Variants in KCNN2 observed in about 807,000 individuals in gnomAD.
KCNN2 encodes small conductance calcium-activated potassium channel protein 2.
Under a neutral mutation model 55.5 loss-of-function variants are expected in KCNN2, and 24 were observed. The observed-to-expected ratio is 0.43, with a 90% CI of 0.31 to 0.61. The LOEUF (loss-of-function observed/expected upper bound fraction) is 0.61. Among genes scored for constraint, KCNN2 ranks in the 20% least tolerant of loss-of-function variants. KCNN2 has a pLI of 0.08. For synonymous variants in KCNN2, 431 were observed against 336.1 expected (o/e 1.28, Z -3.09); for missense variants, 754 against 853.6 (o/e 0.88, Z 1.45).
At chr5:114,277,893 C>T (rs1039842714) in intron 2 of KCNN2, among the ~76,000 whole-genome samples, 4 of 152,074 alleles carry the variant, frequency 2.6e-5, no homozygotes, top group East Asian at 1.9e-4. Flanking sequence ...GTCGAGGAGT[C>T]GTTTTCCTTT....
intron 2 of KCNN2, among the ~76,000 whole-genome samples, chr5:114,279,729 T>C (rs1252353333): frequency 6.6e-6 from 1 of 152,122 alleles, no homozygotes; most frequent in East Asian, 1.9e-4. Flanking sequence ...TTCCAAGTCT[T>C]TGCTATTGTG....
chr5:114,376,690 T>C (rs114344065), intron 2 of KCNN2, among the ~76,000 whole-genome samples: 12 of 152,384 alleles, frequency 7.9e-5, no homozygotes, highest in Non-Finnish European at 1.5e-4. Flanking sequence ...AAGCTATTGA[T>C]GATTTTTAAT....
At chr5:114,266,007 T>G (rs1324976038) in intron 2 of KCNN2, among the ~76,000 whole-genome samples, 1 of 152,200 alleles carries the variant, frequency 6.6e-6, no homozygotes, top group African/African-American at 2.4e-5. Flanking sequence ...ACAAGCCACA[T>G]GCATAATGTT....
In KCNN2 at chr5:114,496,275, G is replaced by A. The variant is rs1010648906; in HGVS notation, c.*93G>A. 17 of 1,331,654 alleles carry A rather than the reference G, an allele frequency of 1.3e-5. No homozygotes were observed. Among genetic ancestry groups the A allele is most frequent in the South Asian group, 7.2e-5 (5 of 69,800 alleles). 82.5% of individuals were successfully genotyped at this position (1,331,654 alleles called of 1,614,324 possible). A position where few individuals can be genotyped will look rare whatever the true frequency, so the allele number is the denominator to read the frequency against. Reference sequence around the variant, plus strand: ...TAAAGCCCCTATGGTTCTAATCAGCGTTATCCGGGTTCTGATGTCAGAATC... The same window carrying A: ...TAAAGCCCCTATGGTTCTAATCAGCATTATCCGGGTTCTGATGTCAGAATC... On this transcript the variant is annotated 3_prime_UTR_variant, in exon 8 of 8. Transcript: ENST00000673685.
At chr5:114,115,564 C>A (rs1374123011) in intron 1 of KCNN2, among the ~76,000 whole-genome samples, 1 of 152,068 alleles carries the variant, frequency 6.6e-6, no homozygotes, top group African/African-American at 2.4e-5. Flanking sequence ...ATGTCAGATT[C>A]TCTTTCTAGC....
intron 1 of KCNN2, among the ~76,000 whole-genome samples, chr5:114,141,406 T>A (rs1752277551): frequency 6.6e-6 from 1 of 152,090 alleles, no homozygotes; most frequent in Non-Finnish European, 1.5e-5. Flanking sequence ...CTTGTGATAG[T>A]TTGCTGAGAA....
intron 5 of KCNN2, among the ~76,000 whole-genome samples, chr5:114,479,765 C>T (rs951867061): frequency 7.2e-5 from 11 of 152,082 alleles, no homozygotes; most frequent in African/African-American, 1.9e-4. Flanking sequence ...ATTGAACAGC[C>T]GGCTCCTGAA....
chr5:114,312,971 G>A (rs1756435003), intron 2 of KCNN2, among the ~76,000 whole-genome samples: 1 of 152,054 alleles, frequency 6.6e-6, no homozygotes, highest in African/African-American at 2.4e-5. Context: ...CTCATTTGCT[G>A]TATTGCTGTT....
intron 1 of KCNN2, among the ~76,000 whole-genome samples, chr5:114,129,820 A>T (rs1372081377): frequency 6.6e-6 from 1 of 152,232 alleles, no homozygotes; most frequent in East Asian, 1.9e-4. Context: ...TCCAAAATGG[A>T]TCTGAGGACA....
chr5:114,241,826 A>G lies in KCNN2; in HGVS notation c.-185+20261A>G, dbSNP rs868654225. Among the ~76,000 whole-genome samples the G allele has an allele frequency of 7.2e-4, 84 of 116,076 alleles. 22 individuals carry two copies. Among genetic ancestry groups the G allele is most frequent in the African/African-American group, 2.5e-3 (80 of 31,642 alleles). 76.2% of individuals were successfully genotyped at this position (116,076 alleles called of 152,430 possible). Reference sequence around the variant, plus strand: ...TATACGTATATATATATATGTGTGTATATATATATATATATATATGGAGTG... The same window carrying G: ...TATACGTATATATATATATGTGTGTGTATATATATATATATATATGGAGTG... On this transcript the variant is annotated intron_variant, in intron 2 of 10. Coordinates refer to the KCNN2 transcript ENST00000512097.
intron 2 of KCNN2, among the ~76,000 whole-genome samples, chr5:114,303,597 C>A (rs1007489930): frequency 7.2e-5 from 11 of 152,134 alleles, no homozygotes; most frequent in East Asian, 5.8e-4. Context: ...ATTATTTGGG[C>A]TTTTTGAAAA....
At chr5:114,211,270 C>G (rs1240550838) in intron 1 of KCNN2, among the ~76,000 whole-genome samples, 1 of 152,054 alleles carries the variant, frequency 6.6e-6, no homozygotes, top group African/African-American at 2.4e-5. Context: ...AGTATGTTCA[C>G]TGCAGCAATA....
rs1477156797 is a variant in KCNN2, at chr5:114,362,406, G to C, written c.267G>C (p.Leu89=). The C allele has an allele frequency of 3.4e-6, 1 of 296,438 alleles. No homozygotes were observed. The highest frequency in any genetic ancestry group is 6.2e-6 in the Non-Finnish European group (1 of 160,318). 18.4% of individuals were successfully genotyped at this position (296,438 alleles called of 1,614,324 possible). Reference sequence around the variant, plus strand: ...GGGCGGGAGATAACCTGTCCCTGCTGCTCCGCACCTCCTCGCCCGGCGGCG... The same window carrying C: ...GGGCGGGAGATAACCTGTCCCTGCTCCTCCGCACCTCCTCGCCCGGCGGCG... ...AAGAGDNLSL[L]LRTSSPGGAF... Residue 89 remains leucine (L), a synonymous_variant, in exon 1 of 8, where the codon CTG becomes CTC. Coordinates refer to ENST00000673685, the MANE Select transcript of KCNN2 (RefSeq NM_021614.4).
At chr5:114,077,826 G>C (rs984427026) in intron 1 of KCNN2, among the ~76,000 whole-genome samples, 1 of 152,186 alleles carries the variant, frequency 6.6e-6, no homozygotes, top group African/African-American at 2.4e-5. Context: ...CATTGTGGCA[G>C]AGGATCAGAG....
chr5:114,241,720 ACG>A lies in KCNN2; in HGVS notation c.-185+20156_-185+20157del, dbSNP rs1242853895. Among the ~76,000 whole-genome samples the A allele has an allele frequency of 1.2e-3, 131 of 110,650 alleles. 4 individuals are homozygous for A. Among genetic ancestry groups the A allele is most frequent in the African/African-American group, 4.6e-3 (122 of 26,614 alleles). 72.6% of individuals were successfully genotyped at this position (110,650 alleles called of 152,430 possible). A position where few individuals can be genotyped will look rare whatever the true frequency, so the allele number is the denominator to read the frequency against. ...TATATATGTGGATATATATATATAT[ACG>A]TATATATATACATATATACGTATAT... is the stretch of plus-strand genomic sequence containing the variant. On this transcript the variant is annotated intron_variant, in intron 2 of 10. Transcript: ENST00000512097.
At chr5:114,241,836 A>G (rs1490036948) in intron 2 of KCNN2, among the ~76,000 whole-genome samples, 5 of 123,500 alleles carry the variant, frequency 4.0e-5, no homozygotes, top group African/African-American at 9.0e-5. Context: ...ATATATATAT[A>G]TATATATATG....
intron 2 of KCNN2, among the ~76,000 whole-genome samples, chr5:114,271,733 T>C (rs1755340997): frequency 6.6e-6 from 1 of 152,172 alleles, no homozygotes; most frequent in Admixed American, 6.5e-5. Flanking sequence ...ATATGGTATA[T>C]AACATTTTTT....
At chr5:114,298,737 C>T (rs189877294) in intron 2 of KCNN2, among the ~76,000 whole-genome samples, 4 of 152,116 alleles carry the variant, frequency 2.6e-5, no homozygotes, top group Non-Finnish European at 5.9e-5. Flanking sequence ...TTCTGTTTTC[C>T]AAAATTCTAT....
At chr5:114,151,106 A>ATTTTTTT (rs5870582) in intron 1 of KCNN2, among the ~76,000 whole-genome samples, 1 of 150,454 alleles carries the variant, frequency 6.6e-6, no homozygotes, top group Non-Finnish European at 1.5e-5. Context: ...TTGTTTTTGA[A>ATTTTTTT]TTTTTTTTTT....
Sources: gnomAD v4.1 joint callset for allele counts (sites outside exome capture counted in the v4.1 genomes callset) on GRCh38, gnomAD v4.1.1 for gene constraint, MANE v1.5 for transcripts, NCBI Gene and HGNC (gene_info 2026-07-23, HGNC 2026-07-21) for gene names.